Variants in RNF130 observed in about 807,000 individuals in gnomAD.
The protein encoded by RNF130 is ring finger protein 130.
Under a neutral mutation model 44.6 loss-of-function variants are expected in RNF130, and 21 were observed. That is an observed-to-expected ratio of 0.47 (90% CI 0.33 to 0.68). RNF130 has a LOEUF of 0.68. RNF130 is among the 30% of genes least tolerant of loss of function. The pLI, the probability that RNF130 is intolerant of heterozygous loss-of-function variation, is 0.02. For missense variants in RNF130, 479 were observed against 560.6 expected, an observed-to-expected ratio of 0.85 and a Z score of 1.47; for synonymous variants, 214 against 210.4, an observed-to-expected ratio of 1.02 and a Z score of -0.15.
chr5:179,973,220 T>A (rs769701036), intron 5 of RNF130, among the ~76,000 whole-genome samples: 2 of 152,158 alleles, frequency 1.3e-5, no homozygotes, highest in African/African-American at 4.8e-5. Context: ...CAAATTCCCA[T>A]GGCACATCCC....
intron 3 of RNF130, among the ~76,000 whole-genome samples, chr5:180,010,579 T>TG (rs1763570477): frequency 6.6e-6 from 1 of 152,122 alleles, no homozygotes; most frequent in South Asian, 2.1e-4. Flanking sequence ...AGGCTGGTCT[T>TG]GAACTCCTGA....
intron 3 of RNF130, among the ~76,000 whole-genome samples, chr5:180,012,620 T>C (rs1183353151): frequency 1.3e-5 from 2 of 152,202 alleles, no homozygotes; most frequent in Non-Finnish European, 2.9e-5. Context: ...CAGAGGTTTT[T>C]CATTGATTTC....
intron 7 of RNF130, chr5:179,933,742 C>T (rs1761845537): frequency 5.1e-6 from 2 of 394,516 alleles, no homozygotes; most frequent in African/African-American, 4.3e-5. Flanking sequence ...AGGCTGGTCT[C>T]GAACTCTTAG....
At chr5:179,940,308 C>T (rs575403104) in intron 7 of RNF130, among the ~76,000 whole-genome samples, 1 of 151,830 alleles carries the variant, frequency 6.6e-6, no homozygotes, top group Non-Finnish European at 1.5e-5. Flanking sequence ...GCAACTTCCG[C>T]TTCCCAGGTT....
At chr5:179,941,869 TAATAG>T (rs1216701144) in intron 7 of RNF130, among the ~76,000 whole-genome samples, 1 of 152,186 alleles carries the variant, frequency 6.6e-6, no homozygotes, top group Admixed American at 6.5e-5. Flanking sequence ...TAATGAGGCT[TAATAG>T]AATACTGAAA....
Position 179,963,446 on chromosome 5 carries a change from A to T in RNF130, c.1244+25T>A, listed in dbSNP as rs201370600. ...TTTCCTGGGATCATCTGGCACATGC[A>T]ATCCAAAAACAATTTGTTACTTACT... On this transcript the variant is annotated intron_variant, in intron 8 of 8. Coordinates refer to ENST00000521389, the MANE Select transcript of RNF130 (RefSeq NM_018434.6). The T allele has an allele frequency of 2.5e-6, 4 of 1,571,510 alleles. No individual in the cohort carries two copies. The East Asian group carries it at 6.8e-5, about 27-fold the overall frequency.
chr5:179,963,233 T>C (rs1224457556), intron 8 of RNF130, among the ~76,000 whole-genome samples: 1 of 152,266 alleles, frequency 6.6e-6, no homozygotes, highest in Non-Finnish European at 1.5e-5. Context: ...CTGTGGCTAA[T>C]GAAAACCTCT....
At chr5:180,015,153 C>A in intron 2 of RNF130, 1 of 245,786 alleles carries the variant, frequency 4.1e-6, no homozygotes, top group Non-Finnish European at 9.4e-6. Flanking sequence ...TTAAAGCAAG[C>A]AATAAACATC....
chr5:179,961,730 G>A, intron 8 of RNF130, among the ~76,000 whole-genome samples: 1 of 152,174 alleles, frequency 6.6e-6, no homozygotes, highest in Admixed American at 6.5e-5. Flanking sequence ...GGCTGTGGGT[G>A]AAATAAGTGT....
chr5:179,946,130 C>G (rs1189186418), intron 7 of RNF130, among the ~76,000 whole-genome samples: 1 of 152,226 alleles, frequency 6.6e-6, no homozygotes, highest in Non-Finnish European at 1.5e-5. Context: ...GCCCCAAGCT[C>G]CTAGGGTGCA....
chr5:179,945,576 G>A (rs1762025360), intron 7 of RNF130, among the ~76,000 whole-genome samples: 1 of 152,168 alleles, frequency 6.6e-6, no homozygotes, highest in Admixed American at 6.5e-5. Context: ...GAGGCTGGGA[G>A]AGGTCAAGCA....
chr5:179,999,451 G>A (rs1270591685), intron 3 of RNF130, among the ~76,000 whole-genome samples: 1 of 152,136 alleles, frequency 6.6e-6, no homozygotes, highest in Admixed American at 6.5e-5. Context: ...GCCGGCCATG[G>A]TGGCTTACGC....
Position 180,040,475 on chromosome 5 carries a change from C to A in RNF130, c.420G>T (p.Glu140Asp). The A allele has an allele frequency of 6.2e-7, 1 of 1,612,778 alleles. No individual in the cohort carries two copies. Residue 140 changes from glutamate to aspartate, a missense_variant, in exon 2 of 9, where the codon GAG (glutamate) becomes GAT (aspartate). By Grantham distance (45) the Glu-to-Asp change is conservative. Transcript: ENST00000521389. ...TACCTGGATGAGTCATGGTAACTGGCTCCTCTTTGGATTTATTATTGTAGA... is the reference window on the plus strand; with the variant it reads ...TACCTGGATGAGTCATGGTAACTGGATCCTCTTTGGATTTATTATTGTAGA... ...VVIYNNKSKEEPVTMTHPGTG... is the reference protein window; with the variant it reads ...VVIYNNKSKEDPVTMTHPGTG...
chr5:180,034,443 T>A (rs188409289), intron 2 of RNF130, among the ~76,000 whole-genome samples: 1 of 152,224 alleles, frequency 6.6e-6, no homozygotes, highest in East Asian at 1.9e-4. Flanking sequence ...ATTAGTATTA[T>A]TTTTTCTTTA....
chr5:180,059,687 C>T (rs1287237160), intron 1 of RNF130, among the ~76,000 whole-genome samples: 1 of 152,102 alleles, frequency 6.6e-6, no homozygotes. Context: ...GAAGGTGAGC[C>T]GTGAAAACAA....
intron 1 of RNF130, among the ~76,000 whole-genome samples, chr5:180,062,895 A>G (rs923616264): frequency 2.6e-5 from 4 of 152,216 alleles, no homozygotes; most frequent in Non-Finnish European, 4.4e-5. Flanking sequence ...GAATTTTTGT[A>G]AAGTTCCACT....
At chr5:180,043,020 A>G (rs934257271) in intron 1 of RNF130, among the ~76,000 whole-genome samples, 1 of 152,210 alleles carries the variant, frequency 6.6e-6, no homozygotes, top group Non-Finnish European at 1.5e-5. Context: ...TGAAAAAGCC[A>G]AGAGTAATGC....
At chr5:179,997,758 T>C (rs894070696) in intron 3 of RNF130, among the ~76,000 whole-genome samples, 3 of 152,064 alleles carry the variant, frequency 2.0e-5, no homozygotes, top group African/African-American at 7.2e-5. Context: ...TGAGCCACCA[T>C]GCCTGGCCCT....
chr5:180,032,945 C>T (rs1764164023), intron 2 of RNF130, among the ~76,000 whole-genome samples: 1 of 151,952 alleles, frequency 6.6e-6, no homozygotes. Flanking sequence ...ACAATGGAAT[C>T]AAAGGATATG....
Sources: allele counts gnomAD v4.1 joint callset (sites outside exome capture counted in the v4.1 genomes callset), GRCh38; gene constraint gnomAD v4.1.1; transcripts MANE v1.5; gene names NCBI Gene and HGNC (gene_info 2026-07-23, HGNC 2026-07-21).